ANKRD1: variants seen among roughly 807,000 people sequenced by gnomAD.
ANKRD1 encodes the protein ankyrin repeat domain 1, also known as ankyrin repeat domain-containing protein 1.
ANKRD1 carries 32 observed loss-of-function variants against 40.1 expected under a neutral mutation model. The observed-to-expected ratio is 0.80, with a 90% CI of 0.60 to 1.07. The LOEUF (loss-of-function observed/expected upper bound fraction) is 1.07, where lower values mean the gene tolerates loss of function less well. Ranked by LOEUF, ANKRD1 falls within the 50% of genes least tolerant of loss-of-function variation. The pLI is 0.00. For missense variants in ANKRD1, 359 were observed against 386.0 expected, an observed-to-expected ratio of 0.93 and a Z score of 0.59; for synonymous variants, 149 against 141.2, an observed-to-expected ratio of 1.06 and a Z score of -0.39.
intron 8 of ANKRD1, among the ~76,000 whole-genome samples, chr10:90,914,305 G>A (rs1847346095): frequency 6.6e-6 from 1 of 152,034 alleles, no homozygotes; most frequent in Non-Finnish European, 1.5e-5. Context: ...AGCCGTATTT[G>A]TATATTTTGG....
chr10:90,916,031 G>A, intron 6 of ANKRD1, 140 bp downstream of exon 6: 2 of 646,900 alleles, frequency 3.1e-6, no homozygotes, highest in Non-Finnish European at 5.4e-6. Context: ...GCGAGGTTAG[G>A]AGATGGAGGG....
chr10:90,914,942 A>G (rs1367461238), intron 8 of ANKRD1, among the ~76,000 whole-genome samples: 1 of 152,184 alleles, frequency 6.6e-6, no homozygotes, highest in African/African-American at 2.4e-5. Flanking sequence ...GGGCCTAAAT[A>G]TAGGAAATTA....
rs867775337 is a variant in ANKRD1, at chr10:90,921,079, G to A, written c.-52C>T. On this transcript the variant is annotated 5_prime_UTR_variant, in exon 1 of 9. Coordinates refer to ENST00000371697, the MANE Select transcript of ANKRD1 (RefSeq NM_014391.3). Reference sequence around the variant, plus strand: ...TTCTGTCGTGGAAGGAATCCCTGGAGTTGGCCCTGCTGGGCCCCTCCACAC... The same window carrying A: ...TTCTGTCGTGGAAGGAATCCCTGGAATTGGCCCTGCTGGGCCCCTCCACAC... 23 of 1,598,156 alleles carry A rather than the reference G, an allele frequency of 1.4e-5. No homozygotes were observed. In the Middle Eastern group the frequency reaches 6.6e-4, roughly 46 times the overall value.
chr10:90,918,882 G>T lies in ANKRD1; in HGVS notation c.436C>A (p.Pro146Thr), dbSNP rs1179620832. 6.2e-7 allele frequency: 1 copy of T among 1,611,250 alleles called. No individual in the cohort carries two copies. Among genetic ancestry groups the T allele is most frequent in the Non-Finnish European group, 8.5e-7 (1 of 1,179,178 alleles). ...AGTCTTACCTCATCACAAACATCTG[G>T]ATTGTTCTTGTCTGACAAGAATTTT... ...VEKFLSDKNN[P>T]DVCDEYKRTA... The change falls in exon 4 of 9, where the codon CCA becomes ACA. Residue 146 changes from proline to threonine, a missense_variant. Transcript: ENST00000371697.
intron 4 of ANKRD1, among the ~76,000 whole-genome samples, chr10:90,918,401 T>C (rs1302629614): frequency 6.6e-6 from 1 of 152,074 alleles, no homozygotes; most frequent in African/African-American, 2.4e-5. Context: ...TGCCCCATGT[T>C]TACAGATAAG....
Position 90,919,221 on chromosome 10 carries a change from T to G in ANKRD1, c.255A>C (p.Glu85Asp), listed in dbSNP as rs1453316775. The G allele has an allele frequency of 6.2e-7, 1 of 1,610,042 alleles. No individual in the cohort carries two copies. The highest frequency in any genetic ancestry group is 8.5e-7 in the Non-Finnish European group (1 of 1,178,538). ...TCAGTTGAATGATTATTTCAAGGTC[T>G]TCTAAATTTTCAAGCTTTGATCTTT... ...LEQRSKLENLEDLEIIIQLKK... is the reference protein window; with the variant it reads ...LEQRSKLENLDDLEIIIQLKK... The change falls in exon 3 of 9, where the codon GAA becomes GAC. Residue 85 changes from glutamate (E) to aspartate (D), a missense_variant. Physicochemically the swap from Glu to Asp is conservative, Grantham distance 45. Coordinates refer to ENST00000371697, the MANE Select transcript of ANKRD1 (RefSeq NM_014391.3).
Position 90,912,436 on chromosome 10 carries a change from A to G in ANKRD1, c.*430T>C, listed in dbSNP as rs1847325520. 5.6e-6 allele frequency: 1 copy of G among 179,616 alleles called. No individual in the cohort carries two copies. The highest frequency in any genetic ancestry group is 5.5e-5 in the Admixed American group (1 of 18,200). 11.1% of individuals were successfully genotyped at this position (179,616 alleles called of 1,614,324 possible). Reference sequence around the variant, plus strand: ...TCCCTTGCTTCATTCAAACTTCTGCATTAAAAATTCAGGAGAAAAGAGGGC... The same window carrying G: ...TCCCTTGCTTCATTCAAACTTCTGCGTTAAAAATTCAGGAGAAAAGAGGGC... On this transcript the variant is annotated 3_prime_UTR_variant, in exon 9 of 9. Coordinates refer to ENST00000371697, the MANE Select transcript of ANKRD1 (RefSeq NM_014391.3).
At position 90,912,983 on chromosome 10, in the gene ANKRD1, A is replaced by G; in HGVS notation, c.850-7T>C. ...CCATCGGCGTCTTCCCAGCCTAATC[A>G]AATGAGATAAGGAAAGTTGACTTTC... is the stretch of plus-strand genomic sequence containing the variant. On this transcript the variant is annotated splice_polypyrimidine_tract_variant and splice_region_variant and intron_variant, in intron 8 of 8. Coordinates refer to ENST00000371697, the MANE Select transcript of ANKRD1 (RefSeq NM_014391.3). 6.2e-7 allele frequency: 1 copy of G among 1,613,410 alleles called. No individual in the cohort carries two copies. The highest frequency in any genetic ancestry group is 1.1e-5 in the South Asian group (1 of 91,064).
At chr10:90,920,425 G>A in intron 1 of ANKRD1, 77 bp from the exon 2 acceptor site, 1 of 1,561,358 alleles carries the variant, frequency 6.4e-7, no homozygotes, top group Non-Finnish European at 8.8e-7. Context: ...TGCCGCAGGA[G>A]GCTCTTGGTC....
chr10:90,915,742 A>G, intron 7 of ANKRD1, 40 bp downstream of exon 7: 1 of 1,612,240 alleles, frequency 6.2e-7, no homozygotes, highest in Non-Finnish European at 8.5e-7. Flanking sequence ...ATACAAAAGC[A>G]ATGAAGCTTT....
intron 8 of ANKRD1, 148 bp from the exon 9 acceptor site, chr10:90,913,124 T>G: frequency 1.3e-6 from 1 of 793,938 alleles, no homozygotes; most frequent in Non-Finnish European, 2.1e-6. Context: ...CAGTTTATAC[T>G]CAAACCAGTC....
At chr10:90,920,146 T>C in intron 2 of ANKRD1, 23 bp downstream of exon 2, 2 of 1,612,844 alleles carry the variant, frequency 1.2e-6, no homozygotes, top group Non-Finnish European at 1.7e-6. Flanking sequence ...ATCCTACTAG[T>C]GGATTCCACA....
chr10:90,915,417 G>T (rs537190111), intron 8 of ANKRD1, 126 bp downstream of exon 8: 5 of 818,098 alleles, frequency 6.1e-6, no homozygotes. Flanking sequence ...GGGGAAATGG[G>T]CAGGGGCATT....
At chr10:90,920,565 G>T (rs1589511006) in intron 1 of ANKRD1, among the ~76,000 whole-genome samples, 1 of 152,086 alleles carries the variant, frequency 6.6e-6, no homozygotes, top group Admixed American at 6.5e-5. Flanking sequence ...TCAAAGCTTG[G>T]GTTAGGTTGA....
intron 2 of ANKRD1, among the ~76,000 whole-genome samples, chr10:90,919,885 T>C (rs1847416394): frequency 6.6e-6 from 1 of 152,240 alleles, no homozygotes; most frequent in Non-Finnish European, 1.5e-5. Context: ...TGCTTGGGAT[T>C]AACTACATGG....
In ANKRD1 at chr10:90,915,821, A is replaced by G. The variant is rs867370483; in HGVS notation, c.711T>C (p.His237=). 1.2e-6 allele frequency: 2 copies of G among 1,613,462 alleles called. No individual in the cohort carries two copies. Among genetic ancestry groups the G allele is most frequent in the African/African-American group, 2.7e-5 (2 of 74,700 alleles). ...TGAGGTCTGCCTCACAGGCGATAAG[A>G]TGCTCCGCGCACTCATAGTGGCCAG... ...VRTGHYECAE[H]LIACEADLNA... The change falls in exon 7 of 9, where the codon CAT becomes CAC. Residue 237 remains histidine, a synonymous_variant. Transcript: ENST00000371697.
At position 90,921,068 on chromosome 10, in the gene ANKRD1, G is replaced by A. The variant is rs370966027; in HGVS notation, c.-41C>T. On this transcript the variant is annotated 5_prime_UTR_variant, in exon 1 of 9. Transcript: ENST00000371697. The stretch of plus-strand genomic sequence containing the variant: ...CTTGTATGTTTTTCTGTCGTGGAAG[G>A]AATCCCTGGAGTTGGCCCTGCTGGG... The A allele has an allele frequency of 1.1e-5, 17 of 1,610,742 alleles. No homozygotes were observed. Among genetic ancestry groups the A allele is most frequent in the East Asian group, 2.2e-5 (1 of 44,828 alleles).
In ANKRD1 at chr10:90,921,060, C is replaced by T. The variant is rs1390170270; in HGVS notation, c.-33G>A. Reference sequence around the variant, plus strand: ...GAAGGAGTCTTGTATGTTTTTCTGTCGTGGAAGGAATCCCTGGAGTTGGCC... The same window carrying T: ...GAAGGAGTCTTGTATGTTTTTCTGTTGTGGAAGGAATCCCTGGAGTTGGCC... On this transcript the variant is annotated 5_prime_UTR_variant, in exon 1 of 9. Coordinates refer to ENST00000371697, the MANE Select transcript of ANKRD1 (RefSeq NM_014391.3). The T allele has an allele frequency of 6.2e-6, 10 of 1,613,038 alleles. No homozygotes were observed. The highest frequency in any genetic ancestry group is 1.7e-5 in the Admixed American group (1 of 60,016).
In ANKRD1 at chr10:90,913,853, A is replaced by G. The variant is rs1376661831; in HGVS notation, c.850-877T>C. Among the ~76,000 whole-genome samples, 11 of 152,174 alleles carry G rather than the reference A, an allele frequency of 7.2e-5. No homozygotes were observed. In the East Asian group the frequency reaches 9.6e-4, roughly 13 times the overall value. ...ACCAAGAGCTGGATTTGTGACTTCT[A>G]TGAAAAAATCAGAAGAGTTAAAAAC... On this transcript the variant is annotated intron_variant, in intron 8 of 8. Coordinates refer to ENST00000371697, the MANE Select transcript of ANKRD1 (RefSeq NM_014391.3).
Sources: gnomAD v4.1 joint callset for allele counts (sites outside exome capture counted in the v4.1 genomes callset) on GRCh38, gnomAD v4.1.1 for gene constraint, MANE v1.5 for transcripts, NCBI Gene and HGNC (gene_info 2026-07-23, HGNC 2026-07-21) for gene names.